The following SCFD2 variants were observed in gnomAD, a reference collection of about 807,000 sequenced individuals.
SCFD2 encodes sec1 family domain-containing protein 2.
Under a neutral mutation model 58.9 loss-of-function variants are expected in SCFD2, and 54 were observed. The ratio of observed to expected loss-of-function variants is 0.92; its 90% confidence interval spans 0.74 to 1.15. SCFD2 has a LOEUF of 1.15. Among genes scored for constraint, SCFD2 ranks in the 50% most tolerant of loss-of-function variants. The pLI is 0.00. For missense variants in SCFD2, 805 were observed against 836.6 expected (o/e 0.96, Z 0.47); for synonymous variants, 321 against 335.9 (o/e 0.96, Z 0.49).
chr4:53,208,525 G>A (rs896269308), intron 4 of SCFD2, among the ~76,000 whole-genome samples: 1 of 152,094 alleles, frequency 6.6e-6, no homozygotes, highest in Non-Finnish European at 1.5e-5. Context: ...GCAAAGCTAG[G>A]TCCTATCCAA....
chr4:53,078,415 A>C (rs1030189993), intron 5 of SCFD2, among the ~76,000 whole-genome samples: 9 of 152,218 alleles, frequency 5.9e-5, no homozygotes, highest in Admixed American at 5.9e-4. Flanking sequence ...TTAATAAACA[A>C]TTTGTGGCAA....
Position 52,987,464 on chromosome 4 carries a change from A to G in SCFD2, c.1562-66594T>C, listed in dbSNP as rs192309406. On this transcript the variant is annotated intron_variant, in intron 5 of 8. Transcript: ENST00000401642. ...CTTTCTTCACAAACTTTCCGCCTCA[A>G]AACAATGCTTTTCTAGATCTTGCTC... Among the ~76,000 whole-genome samples the G allele has an allele frequency of 1.7e-4, 26 of 152,312 alleles. No individual in the cohort carries two copies. In the East Asian group the frequency reaches 5.0e-3, roughly 29 times the overall value.
At chr4:53,105,588 G>A (rs1308007685) in intron 5 of SCFD2, among the ~76,000 whole-genome samples, 1 of 152,170 alleles carries the variant, frequency 6.6e-6, no homozygotes, top group East Asian at 1.9e-4. Context: ...AAACAAGATG[G>A]AGCCCACTGC....
intron 7 of SCFD2, among the ~76,000 whole-genome samples, chr4:52,897,428 T>C (rs1719051670): frequency 6.6e-6 from 1 of 152,234 alleles, no homozygotes; most frequent in South Asian, 2.1e-4. Flanking sequence ...GTGGTTTTTG[T>C]CTTTGGTTCT....
chr4:53,208,930 C>T (rs1311884541), intron 4 of SCFD2, among the ~76,000 whole-genome samples: 2 of 152,136 alleles, frequency 1.3e-5, no homozygotes, highest in African/African-American at 2.4e-5. Flanking sequence ...CTCTTGGCCA[C>T]AGGAATGTAC....
chr4:52,908,162 C>T (rs1357993925), intron 6 of SCFD2, among the ~76,000 whole-genome samples: 1 of 152,216 alleles, frequency 6.6e-6, no homozygotes, highest in Non-Finnish European at 1.5e-5. Context: ...AAGCAGACTA[C>T]ATGGTATCAT....
intron 5 of SCFD2, among the ~76,000 whole-genome samples, chr4:53,133,823 AC>A (rs899804060): frequency 3.3e-5 from 5 of 152,208 alleles, no homozygotes; most frequent in African/African-American, 1.2e-4. Context: ...ATGTAAGAGA[AC>A]CCCAATTGAA....
chr4:53,057,264 G>T (rs1465512816), intron 5 of SCFD2, among the ~76,000 whole-genome samples: 4 of 152,064 alleles, frequency 2.6e-5, no homozygotes, highest in African/African-American at 9.7e-5. Flanking sequence ...CAACCCAAAT[G>T]CCCATCAATG....
chr4:52,995,418 A>C (rs6554063), intron 5 of SCFD2, among the ~76,000 whole-genome samples: 127,212 of 152,150 alleles, frequency 0.84, 53,667 homozygotes, highest in Middle Eastern at 0.97. Flanking sequence ...CAGGCCGTGG[A>C]CCAGTGTCAG....
chr4:53,258,004 A>T lies in SCFD2; in HGVS notation c.1311+15822T>A, dbSNP rs75887007. 2.0e-5 allele frequency among the ~76,000 whole-genome samples: 3 copies of T among 152,300 alleles called. No homozygotes were observed. In the East Asian group the frequency reaches 5.8e-4, roughly 29 times the overall value. ...AGAAACTTAATAAGATTTAGGAAGT[A>T]GAAGGAAGGCTGAGCAGATGATGCT... On this transcript the variant is annotated intron_variant, in intron 4 of 8. Transcript: ENST00000401642.
At chr4:52,961,734 AT>A (rs981267904) in intron 5 of SCFD2, among the ~76,000 whole-genome samples, 4 of 152,330 alleles carry the variant, frequency 2.6e-5, no homozygotes, top group African/African-American at 9.6e-5. Flanking sequence ...CAGAGGTAAC[AT>A]TTTAGTAAGA....
intron 4 of SCFD2, among the ~76,000 whole-genome samples, chr4:53,155,593 A>G (rs1726655595): frequency 1.3e-5 from 2 of 152,362 alleles, no homozygotes; most frequent in Admixed American, 6.5e-5. Context: ...AATAACATGC[A>G]TGAACAGGCA....
chr4:53,182,323 G>C (rs1162872926), intron 4 of SCFD2, among the ~76,000 whole-genome samples: 1 of 152,168 alleles, frequency 6.6e-6, no homozygotes, highest in Non-Finnish European at 1.5e-5. Flanking sequence ...CAATGGAACA[G>C]AACAGAGCCC....
At chr4:52,951,831 T>C (rs1263867837) in intron 5 of SCFD2, among the ~76,000 whole-genome samples, 1 of 152,210 alleles carries the variant, frequency 6.6e-6, no homozygotes, top group Non-Finnish European at 1.5e-5. Flanking sequence ...ATATTGAACA[T>C]GTAAAATCAG....
intron 5 of SCFD2, among the ~76,000 whole-genome samples, chr4:53,088,585 T>C (rs1468873220): frequency 1.3e-5 from 2 of 152,242 alleles, no homozygotes; most frequent in Admixed American, 6.5e-5. Context: ...ATGTCTATTC[T>C]ATCCCTGTCC....
chr4:53,240,026 A>T (rs1729844740), intron 4 of SCFD2, among the ~76,000 whole-genome samples: 1 of 152,210 alleles, frequency 6.6e-6, no homozygotes, highest in Middle Eastern at 3.2e-3. Flanking sequence ...GTATCTGATA[A>T]AAGATCACCC....
chr4:52,911,403 TG>T (rs746878919), intron 6 of SCFD2, among the ~76,000 whole-genome samples: 5 of 152,208 alleles, frequency 3.3e-5, no homozygotes, highest in African/African-American at 4.8e-5. Context: ...GGGTTCTCCT[TG>T]GGGGTAGTGA....
intron 5 of SCFD2, among the ~76,000 whole-genome samples, chr4:53,100,283 T>C (rs1335201831): frequency 2.0e-5 from 3 of 152,176 alleles, no homozygotes; most frequent in Non-Finnish European, 4.4e-5. Context: ...AACTACTTAC[T>C]AGGGCTTCTA....
chr4:53,082,441 G>A (rs540399256), intron 5 of SCFD2, among the ~76,000 whole-genome samples: 2 of 152,044 alleles, frequency 1.3e-5, no homozygotes, highest in African/African-American at 2.4e-5. Flanking sequence ...TTTGCATTTC[G>A]CTAGTGGCTA....
Sources: allele counts gnomAD v4.1 joint callset (sites outside exome capture counted in the v4.1 genomes callset), GRCh38; gene constraint gnomAD v4.1.1; transcripts MANE v1.5; gene names NCBI Gene and HGNC (gene_info 2026-07-23, HGNC 2026-07-21).